The following COL9A2 variants were observed in gnomAD, a reference collection of about 807,000 sequenced individuals.
COL9A2 encodes the protein collagen type IX alpha 2 chain.
Under a neutral mutation model 111.6 loss-of-function variants are expected in COL9A2, and 66 were observed. The observed-to-expected ratio is 0.59, with a 90% CI of 0.48 to 0.73. The LOEUF (loss-of-function observed/expected upper bound fraction) is 0.73. Ranked by LOEUF, COL9A2 falls within the 30% of genes least tolerant of loss-of-function variation. COL9A2 has a pLI of 0.00. For synonymous variants in COL9A2, 353 were observed against 364.1 expected, an observed-to-expected ratio of 0.97 and a Z score of 0.35; for missense variants, 881 against 954.1, an observed-to-expected ratio of 0.92 and a Z score of 1.01.
chr1:40,301,507 C>T (rs1643914688), intron 31 of COL9A2, 126 bp from the exon 32 acceptor site: 4 of 799,988 alleles, frequency 5.0e-6, no homozygotes, highest in Admixed American at 2.9e-5. Flanking sequence ...GGACTCTGCC[C>T]CAGAGGCAGA....
At chr1:40,304,732 T>A in intron 22 of COL9A2, 62 bp downstream of exon 22, 1 of 1,459,186 alleles carries the variant, frequency 6.9e-7, no homozygotes, top group Non-Finnish European at 9.4e-7. Context: ...GCAGATGCTG[T>A]ATCCAGCAGT....
chr1:40,303,551 C>T lies in COL9A2; in HGVS notation c.1527G>A (p.Gln509=). The part of the protein sequence containing the change: ...GLAGNRGVPG[Q]PGRQGVEGRD... ...TCACCTCCACGCCCTGTCTCCCGGG[C>T]TGTCCTGGCACGCCTCGGTTCCCGG... The change falls in exon 28 of 32, where the codon CAG becomes CAA. Residue 509 remains glutamine (Q), a synonymous_variant. Transcript: ENST00000372748. The surrounding 1 kb of genome is among the most constrained non-coding windows in gnomAD (Gnocchi z 4.6). The T allele has an allele frequency of 6.2e-7, 1 of 1,612,258 alleles. No individual in the cohort carries two copies. The highest frequency in any genetic ancestry group is 8.5e-7 in the Non-Finnish European group (1 of 1,179,668).
Position 40,317,026 on chromosome 1 carries a change from G to A in COL9A2, c.75+97C>T. The A allele has an allele frequency of 7.9e-7, 1 of 1,258,426 alleles. No homozygotes were observed. Among genetic ancestry groups the A allele is most frequent in the South Asian group, 1.3e-5 (1 of 78,052 alleles). The allele number at this position is 1,258,426 out of a possible 1,614,324, so 78.0% of individuals were successfully genotyped here. A position where few individuals can be genotyped will look rare whatever the true frequency, so the allele number is the denominator to read the frequency against. ...GTCCTCAGGTGGCCTCTCGGGCTAG[G>A]GGTGTCAGTAGGCGCGGGACACAGG... On this transcript the variant is annotated intron_variant, in intron 1 of 31. Coordinates refer to ENST00000372748, the MANE Select transcript of COL9A2 (RefSeq NM_001852.4). This position sits in a 1 kb window ranked among gnomAD's most constrained non-coding sequence, Gnocchi z 4.3.
chr1:40,306,302 A>C, intron 19 of COL9A2, 115 bp from the exon 20 acceptor site: 2 of 1,119,486 alleles, frequency 1.8e-6, no homozygotes, highest in Non-Finnish European at 2.7e-6. Context: ...GCTGAACAAC[A>C]GAAGGTCCAG....
Position 40,314,943 on chromosome 1 carries a change from T to A in COL9A2, c.151-556A>T, listed in dbSNP as rs1259115960. Among the ~76,000 whole-genome samples the A allele has an allele frequency of 1.3e-5, 2 of 151,052 alleles. No homozygotes were observed. Among genetic ancestry groups the A allele is most frequent in the Admixed American group, 1.3e-4 (2 of 15,178 alleles). On this transcript the variant is annotated intron_variant, in intron 2 of 31. Coordinates refer to ENST00000372748, the MANE Select transcript of COL9A2 (RefSeq NM_001852.4). This position sits in a 1 kb window ranked among gnomAD's most constrained non-coding sequence, Gnocchi z 4.1. ...TGGTGGGCAGGCAGGGCCGGTAGAG[T>A]GCGATTCAGCCCCAGAGAGGCCTCC...
At chr1:40,309,148 A>G (rs4660398) in intron 16 of COL9A2, among the ~76,000 whole-genome samples, 22,700 of 151,998 alleles carry the variant, frequency 0.15, 2,104 homozygotes, top group East Asian at 0.42. Flanking sequence ...GGCTGAGGCA[A>G]GAGAATCTCT....
At chr1:40,309,700 TCA>T (rs1184338381) in intron 16 of COL9A2, among the ~76,000 whole-genome samples, 2 of 151,064 alleles carry the variant, frequency 1.3e-5, no homozygotes, top group Non-Finnish European at 3.0e-5. Flanking sequence ...AGAGATATCC[TCA>T]CACACTCACA....
In COL9A2 at chr1:40,314,378, C is replaced by T; in HGVS notation, c.160G>A (p.Gly54Arg). 1 of 1,614,144 alleles carries T rather than the reference C, an allele frequency of 6.2e-7. No homozygotes were observed. Among genetic ancestry groups the T allele is most frequent in the South Asian group, 1.1e-5 (1 of 91,082 alleles). Residue 54 changes from glycine to arginine, a missense_variant, in exon 3 of 32, where the codon GGG (glycine) becomes AGG (arginine). By Grantham distance (125) the Gly-to-Arg change is moderately radical. Coordinates refer to ENST00000372748, the MANE Select transcript of COL9A2 (RefSeq NM_001852.4). The surrounding 1 kb of genome is among the most constrained non-coding windows in gnomAD (Gnocchi z 4.1). ...GGAGGGCCAGCTTTTCCAGGGGGCC[C>T]ATTGTCACCCTGCAAGATACAAGTT... Reference protein sequence around the residue: ...PGSDGIDGDNGPPGKAGPPGP... With the variant: ...PGSDGIDGDNRPPGKAGPPGP...
intron 2 of COL9A2, chr1:40,315,117 T>C (rs1644195519): frequency 1.5e-6 from 1 of 659,198 alleles, no homozygotes; most frequent in Non-Finnish European, 1.9e-6. Flanking sequence ...ATGAGGTATT[T>C]AACCCTCACC....
At position 40,303,859 on chromosome 1, in the gene COL9A2, C is replaced by T. The variant is rs1244024196; in HGVS notation, c.1369-20G>A. ...CTCGCCCTGCAGGCACAAGGAGCAG[C>T]GGTCACGAAGCCGCGGGGACCCCGG... On this transcript the variant is annotated intron_variant, in intron 26 of 31. Coordinates refer to ENST00000372748, the MANE Select transcript of COL9A2 (RefSeq NM_001852.4). This position sits in a 1 kb window ranked among gnomAD's most constrained non-coding sequence, Gnocchi z 4.6. 1 of 1,552,780 alleles carries T rather than the reference C, an allele frequency of 6.4e-7. No individual in the cohort carries two copies. Among genetic ancestry groups the T allele is most frequent in the East Asian group, 2.4e-5 (1 of 41,522 alleles).
In COL9A2 at chr1:40,305,701, C is replaced by A. The variant is rs773446180; in HGVS notation, c.1107+14G>T. On this transcript the variant is annotated intron_variant, in intron 21 of 31. Coordinates refer to ENST00000372748, the MANE Select transcript of COL9A2 (RefSeq NM_001852.4). ...TAAAGCAGGAACCCTTGTGTCAGTGCAGGGGGCATTTACCTCTTTCCCAGG... is the reference window on the plus strand; with the variant it reads ...TAAAGCAGGAACCCTTGTGTCAGTGAAGGGGGCATTTACCTCTTTCCCAGG... 6 of 1,613,422 alleles carry A rather than the reference C, an allele frequency of 3.7e-6. No individual in the cohort carries two copies. The South Asian group carries it at 5.5e-5, about 15-fold the overall frequency.
intron 2 of COL9A2, chr1:40,315,376 T>G: frequency 7.2e-7 from 1 of 1,387,646 alleles, no homozygotes; most frequent in East Asian, 2.8e-5. Context: ...GCTCCTTGTC[T>G]GTCGGCGGCT....
At chr1:40,304,766 G>A in intron 22 of COL9A2, 28 bp downstream of exon 22, 1 of 1,539,458 alleles carries the variant, frequency 6.5e-7, no homozygotes, top group Non-Finnish European at 8.8e-7. Context: ...GAGGCCCCCG[G>A]GGAGGGGCCA....
intron 2 of COL9A2, chr1:40,315,319 G>C (rs1644200074): frequency 7.6e-7 from 1 of 1,309,478 alleles, no homozygotes; most frequent in Admixed American, 3.6e-5. Context: ...AAGGAGAGGA[G>C]GGGGATGAGG....
chr1:40,304,832 G>C lies in COL9A2; in HGVS notation c.1123C>G (p.Arg375Gly), dbSNP rs375476174. The part of the protein sequence containing the change: ...PPGKEGEPGP[R>G]GEIGPQGIMG... ...ATGCCCTGGGGACCAATTTCTCCTCGAGGCCCTGGCTCTCCCTGGAGGAAG... is the reference window on the plus strand; with the variant it reads ...ATGCCCTGGGGACCAATTTCTCCTCCAGGCCCTGGCTCTCCCTGGAGGAAG... Residue 375 changes from arginine (R) to glycine (G), a missense_variant, in exon 22 of 32, where the codon CGA (arginine) becomes GGA (glycine). Transcript: ENST00000372748. The C allele has an allele frequency of 1.4e-4, 211 of 1,550,518 alleles. No individual in the cohort carries two copies. The highest frequency in any genetic ancestry group is 3.3e-4 in the Middle Eastern group (2 of 6,010).
In COL9A2 at chr1:40,307,560, T is replaced by C. The variant is rs1644049979; in HGVS notation, c.955-61A>G. The C allele has an allele frequency of 7.5e-6, 12 of 1,598,190 alleles. No individual in the cohort carries two copies. The highest frequency in any genetic ancestry group is 1.0e-5 in the Non-Finnish European group (12 of 1,167,160). On this transcript the variant is annotated intron_variant, in intron 18 of 31. Transcript: ENST00000372748. The surrounding 1 kb of genome is among the most constrained non-coding windows in gnomAD (Gnocchi z 4.8). ...GCTCCAGCCAGAGGGCCATGGCTTC[T>C]ACCCAGATGCAGGTAGGGAAACTGA... is the stretch of plus-strand genomic sequence containing the variant.
Position 40,303,893 on chromosome 1 carries a change from GCC to G in COL9A2, c.1368+33_1368+34del. ...AGCCGCGGGGACCCCGGGGCCAGCC[GCC>G]GCTCCCCGCCCTTCCCTAGGCCGCG... On this transcript the variant is annotated intron_variant, in intron 26 of 31. Coordinates refer to ENST00000372748, the MANE Select transcript of COL9A2 (RefSeq NM_001852.4). The surrounding 1 kb of genome is among the most constrained non-coding windows in gnomAD (Gnocchi z 4.6). 2 of 1,549,574 alleles carry G rather than the reference GCC, an allele frequency of 1.3e-6. No homozygotes were observed. Among genetic ancestry groups the G allele is most frequent in the Non-Finnish European group, 1.7e-6 (2 of 1,146,600 alleles).
intron 2 of COL9A2, chr1:40,315,268 G>C: frequency 8.6e-7 from 1 of 1,168,936 alleles, no homozygotes; most frequent in Non-Finnish European, 1.1e-6. Flanking sequence ...GCCAGAGGCA[G>C]GGTGAGGGGT....
Position 40,303,411 on chromosome 1 carries a change from T to G in COL9A2, c.1548+119A>C. 1.4e-6 allele frequency: 2 copies of G among 1,436,316 alleles called. No homozygotes were observed. The highest frequency in any genetic ancestry group is 1.9e-6 in the Non-Finnish European group (2 of 1,045,100). The allele number at this position is 1,436,316 out of a possible 1,614,324, so 89.0% of individuals were successfully genotyped here. ...CAGCCTTCCTGTCTGCTCTGGGGCT[T>G]GGAACCAGTCTCGGGGAAGTCGGTG... On this transcript the variant is annotated intron_variant, in intron 28 of 31. Transcript: ENST00000372748. This position sits in a 1 kb window ranked among gnomAD's most constrained non-coding sequence, Gnocchi z 4.6.
Sources: allele counts gnomAD v4.1 joint callset (sites outside exome capture counted in the v4.1 genomes callset), GRCh38; gene constraint gnomAD v4.1.1; non-coding constraint Gnocchi (gnomAD v3.1); transcripts MANE v1.5; gene names NCBI Gene and HGNC (gene_info 2026-07-23, HGNC 2026-07-21).